BAIAP2L2: variants seen among roughly 807,000 people sequenced by gnomAD.
The protein encoded by BAIAP2L2 is BAR/IMD domain-containing adapter protein 2-like 2.
A neutral mutation model predicts 60.4 loss-of-function variants in BAIAP2L2; 65 were observed. The observed-to-expected ratio is 1.08, with a 90% confidence interval of 0.88 to 1.32. The LOEUF is 1.32. Ranked by LOEUF, BAIAP2L2 falls within the 40% of genes most tolerant of loss-of-function variation. The pLI is 0.00. For missense variants in BAIAP2L2, 836 were observed against 741.2 expected (o/e 1.13, Z -1.48); for synonymous variants, 344 against 301.7 (o/e 1.14, Z -1.45).
At chr22:38,098,259 TG>T in intron 5 of BAIAP2L2, 80 bp from the exon 6 acceptor site, 1 of 1,519,844 alleles carries the variant, frequency 6.6e-7, no homozygotes, top group Non-Finnish European at 9.1e-7. Context: ...ATCAGGGCCC[TG>T]GAAGTTTGGA....
Position 38,099,120 on chromosome 22 carries a change from G to T in BAIAP2L2, c.277-638C>A, listed in dbSNP as rs562266451. ...CTGGCCACCGGGGCAGGACAGGAAA[G>T]GCTGCTGGGCTCAGGCTCAGAAGCT... On this transcript the variant is annotated intron_variant, in intron 4 of 13. Transcript: ENST00000381669. Among the ~76,000 whole-genome samples the T allele has an allele frequency of 3.9e-5, 6 of 152,368 alleles. 1 individual carries two copies. The highest frequency in any genetic ancestry group is 1.4e-4 in the African/African-American group (6 of 41,586).
At chr22:38,108,638 C>T (rs2086720334) in intron 2 of BAIAP2L2, among the ~76,000 whole-genome samples, 2 of 152,074 alleles carry the variant, frequency 1.3e-5, no homozygotes, top group African/African-American at 4.8e-5. Flanking sequence ...GTATGAGCGG[C>T]CACAGCGGAC....
chr22:38,105,731 T>C (rs1395330700), intron 4 of BAIAP2L2, among the ~76,000 whole-genome samples: 1 of 152,136 alleles, frequency 6.6e-6, no homozygotes, highest in Non-Finnish European at 1.5e-5. Flanking sequence ...TCCTAGTGTA[T>C]TTTGCATGGA....
Position 38,110,565 on chromosome 22 carries a change from G to A in BAIAP2L2, c.-40C>T, listed in dbSNP as rs753975894. The A allele has an allele frequency of 1.2e-5, 18 of 1,563,146 alleles. No individual in the cohort carries two copies. Among genetic ancestry groups the A allele is most frequent in the Non-Finnish European group, 1.6e-5 (18 of 1,144,892 alleles). The stretch of plus-strand genomic sequence containing the variant: ...GGGTCTGAGCAGGAGGCTGGGAGCT[G>A]GTGGCGATGGCACAGCCGGGAGCAG... On this transcript the variant is annotated 5_prime_UTR_variant, in exon 1 of 14. Coordinates refer to ENST00000381669, the MANE Select transcript of BAIAP2L2 (RefSeq NM_025045.6).
At chr22:38,108,620 A>G (rs1319792144) in intron 2 of BAIAP2L2, among the ~76,000 whole-genome samples, 2 of 152,040 alleles carry the variant, frequency 1.3e-5, no homozygotes, top group East Asian at 3.9e-4. Flanking sequence ...GTGGGGTGCT[A>G]TTGGCAGGTA....
At chr22:38,091,476 G>C (rs1030220460) in intron 7 of BAIAP2L2, 1 of 152,124 alleles carries the variant, frequency 6.6e-6, no homozygotes, top group African/African-American at 2.4e-5. Context: ...TTGCATGCCT[G>C]TATCAAAACA....
Position 38,109,245 on chromosome 22 carries a change from G to C in BAIAP2L2, c.52-37C>G, listed in dbSNP as rs758295089. The C allele has an allele frequency of 2.0e-6, 3 of 1,537,434 alleles. No homozygotes were observed. The South Asian group carries it at 3.4e-5, about 17-fold the overall frequency. ...GGTCAGGGGAGGAAAAAGGTGTAGA[G>C]ATGGGGGAGCGAGAAGGAACCACGG... is the stretch of plus-strand genomic sequence containing the variant. On this transcript the variant is annotated intron_variant, in intron 1 of 13. Coordinates refer to ENST00000381669, the MANE Select transcript of BAIAP2L2 (RefSeq NM_025045.6).
rs140838660 is a variant in BAIAP2L2, at chr22:38,107,834, C to T, written c.276+18G>A. ...TTTCCTCGAGTGACCCCTCCAGGCC[C>T]TGGGGCCTGATACTCACCACCACCT... is the stretch of plus-strand genomic sequence containing the variant. On this transcript the variant is annotated intron_variant, in intron 4 of 13. Transcript: ENST00000381669. 65 of 1,612,498 alleles carry T rather than the reference C, an allele frequency of 4.0e-5. No homozygotes were observed. In the East Asian group the frequency reaches 1.3e-3, roughly 32 times the overall value.
rs1010040957 is a variant in BAIAP2L2 at position 38,098,252 on chromosome 22, A to G, written c.349-73T>C. 14 of 1,541,262 alleles carry G rather than the reference A, an allele frequency of 9.1e-6. No individual in the cohort carries two copies. In the Admixed American group the frequency reaches 2.0e-4, roughly 22 times the overall value. On this transcript the variant is annotated intron_variant, in intron 5 of 13. Transcript: ENST00000381669. ...GCTCAAGACACCCCTCCCAGAGATCAGGGCCCTGGAAGTTTGGAGACTTGG... is the reference window on the plus strand; with the variant it reads ...GCTCAAGACACCCCTCCCAGAGATCGGGGCCCTGGAAGTTTGGAGACTTGG...
In BAIAP2L2 at chr22:38,108,259, A is replaced by G. The variant is rs754371573; in HGVS notation, c.210T>C (p.Ile70=). 62 of 1,612,014 alleles carry G rather than the reference A, an allele frequency of 3.8e-5. No individual in the cohort carries two copies. The highest frequency in any genetic ancestry group is 4.8e-5 in the Non-Finnish European group (57 of 1,179,638). The change falls in exon 3 of 14, where the codon ATT becomes ATC. Residue 70 remains isoleucine, a synonymous_variant. Transcript: ENST00000381669. ...GCTGTGGAGGGGGAGCCTCACCCAG[A>G]ATCTGTGAGGTGGGGCTCTGCAGGG... ...ERALQSPTSQ[I]LGEILVQMSD...
chr22:38,095,170 A>G (rs1043780555), intron 7 of BAIAP2L2, among the ~76,000 whole-genome samples: 4 of 152,034 alleles, frequency 2.6e-5, no homozygotes, highest in East Asian at 3.9e-4. Flanking sequence ...AAATACATAC[A>G]CACATAAATA....
At chr22:38,108,039 A>G in intron 3 of BAIAP2L2, 126 bp from the exon 4 acceptor site, 1 of 1,110,552 alleles carries the variant, frequency 9.0e-7, no homozygotes. Context: ...AAGTCCGGGA[A>G]CTTCCCATAT....
At chr22:38,108,789 G>A (rs1224306713) in intron 2 of BAIAP2L2, among the ~76,000 whole-genome samples, 1 of 152,048 alleles carries the variant, frequency 6.6e-6, no homozygotes, top group Non-Finnish European at 1.5e-5. Context: ...GGTGGGTTCA[G>A]CTGGTGGCAT....
At chr22:38,108,613 G>A (rs189338598) in intron 2 of BAIAP2L2, among the ~76,000 whole-genome samples, 22 of 152,260 alleles carry the variant, frequency 1.4e-4, no homozygotes, top group Admixed American at 8.5e-4. Flanking sequence ...GTGGGTAGTG[G>A]GGTGCTATTG....
chr22:38,085,582 C>T (rs1000117251), intron 13 of BAIAP2L2, 104 bp downstream of exon 13: 40 of 1,413,694 alleles, frequency 2.8e-5, no homozygotes, highest in Non-Finnish European at 3.9e-5. Context: ...CTGTTGGAAT[C>T]AAGAGATCCT....
rs542350934 is a variant in BAIAP2L2 at position 38,095,103 on chromosome 22, A to AT, written c.612+1928dup. ...GAGGTGGAGGTTGCAGGGAGCTGAG[A>AT]TTGCGCCACTGCACTCCAGCCTGGG... On this transcript the variant is annotated intron_variant, in intron 7 of 13. Transcript: ENST00000381669. 1.0e-3 allele frequency among the ~76,000 whole-genome samples: 158 copies of AT among 152,278 alleles called. 1 individual carries two copies. Among genetic ancestry groups the AT allele is most frequent in the African/African-American group, 3.5e-3 (144 of 41,556 alleles).
intron 4 of BAIAP2L2, among the ~76,000 whole-genome samples, chr22:38,102,933 C>G (rs879658983): frequency 1.3e-5 from 2 of 151,794 alleles, no homozygotes; most frequent in Non-Finnish European, 2.9e-5. Context: ...GTGGTCCCAG[C>G]TACTCGGGAG....
intron 4 of BAIAP2L2, among the ~76,000 whole-genome samples, chr22:38,101,008 A>G (rs142621961): frequency 2.0e-5 from 3 of 152,302 alleles, no homozygotes; most frequent in African/African-American, 7.2e-5. Flanking sequence ...GTTGATGGAA[A>G]CGTTCTAAAT....
chr22:38,107,093 A>G (rs2086680028), intron 4 of BAIAP2L2, among the ~76,000 whole-genome samples: 1 of 152,090 alleles, frequency 6.6e-6, no homozygotes, highest in African/African-American at 2.4e-5. Flanking sequence ...TTCCTCAGAT[A>G]GGTAAGTGGA....
Sources: allele counts gnomAD v4.1 joint callset (sites outside exome capture counted in the v4.1 genomes callset), GRCh38; gene constraint gnomAD v4.1.1; transcripts MANE v1.5; gene names NCBI Gene and HGNC (gene_info 2026-07-23, HGNC 2026-07-21).